Variants in SEMA3D observed in about 807,000 individuals in gnomAD.
SEMA3D encodes semaphorin 3D, also known as semaphorin-3D.
A neutral mutation model predicts 100.1 loss-of-function variants in SEMA3D; 84 were observed. The observed-to-expected ratio is 0.84, with a 90% CI of 0.70 to 1.01. The LOEUF (loss-of-function observed/expected upper bound fraction) is 1.01, where lower values mean the gene tolerates loss of function less well. SEMA3D is among the 50% of genes least tolerant of loss of function. SEMA3D has a pLI of 0.00. For synonymous variants in SEMA3D, 312 were observed against 320.7 expected (o/e 0.97, Z 0.29); for missense variants, 875 against 934.1 (o/e 0.94, Z 0.82).
At chr7:85,110,042 T>A (rs1160920695) in intron 3 of SEMA3D, among the ~76,000 whole-genome samples, 1 of 151,984 alleles carries the variant, frequency 6.6e-6, no homozygotes, top group Non-Finnish European at 1.5e-5. Context: ...ACAACCCAAG[T>A]GCCTCAAGGC....
At chr7:85,178,136 G>A (rs1791291884) in intron 1 of SEMA3D, among the ~76,000 whole-genome samples, 1 of 152,214 alleles carries the variant, frequency 6.6e-6, no homozygotes, top group Non-Finnish European at 1.5e-5. Flanking sequence ...ACCCAGCCAT[G>A]TGGAACTGTG....
At chr7:85,039,166 G>A (rs1315485666) in intron 11 of SEMA3D, among the ~76,000 whole-genome samples, 4 of 152,120 alleles carry the variant, frequency 2.6e-5, no homozygotes, top group Non-Finnish European at 4.4e-5. Context: ...GAGAAAGGGT[G>A]TGCTTTGAAC....
At chr7:85,197,471 C>T in the SEMA3D span, among the ~76,000 whole-genome samples, 4 of 151,980 alleles carry the variant, frequency 2.6e-5, no homozygotes, top group Non-Finnish European at 4.4e-5. Context: ...CCCACCACCC[C>T]CACCACCCCT....
chr7:85,064,865 C>T (rs908229122), intron 8 of SEMA3D, among the ~76,000 whole-genome samples: 2 of 152,168 alleles, frequency 1.3e-5, no homozygotes, highest in African/African-American at 4.8e-5. Context: ...AAATAGTAAT[C>T]AGACAAAATT....
At chr7:85,169,084 C>T (rs1434520511) in intron 1 of SEMA3D, among the ~76,000 whole-genome samples, 2 of 151,274 alleles carry the variant, frequency 1.3e-5, no homozygotes, top group East Asian at 3.9e-4. Context: ...TACTATGAGT[C>T]CATGAGATAC....
intron 2 of SEMA3D, among the ~76,000 whole-genome samples, chr7:85,134,797 C>G (rs957985135): frequency 2.6e-5 from 4 of 151,954 alleles, no homozygotes; most frequent in Non-Finnish European, 5.9e-5. Flanking sequence ...AATCTCTTTA[C>G]AGTATCATTG....
intron 5 of SEMA3D, among the ~76,000 whole-genome samples, chr7:85,075,890 A>AT (rs980489977): frequency 1.3e-5 from 2 of 152,232 alleles, no homozygotes; most frequent in African/African-American, 4.8e-5. Flanking sequence ...TCATAACTTC[A>AT]TTTTTTAAGT....
At chr7:85,095,398 T>G (rs1455628943) in intron 4 of SEMA3D, among the ~76,000 whole-genome samples, 1 of 151,916 alleles carries the variant, frequency 6.6e-6, no homozygotes, top group Non-Finnish European at 1.5e-5. Flanking sequence ...CTACAGATTT[T>G]TTTTTTAACT....
chr7:85,008,340 G>T (rs1385822594), intron 17 of SEMA3D, among the ~76,000 whole-genome samples: 1 of 151,724 alleles, frequency 6.6e-6, no homozygotes, highest in Non-Finnish European at 1.5e-5. Flanking sequence ...AAGTAATAGT[G>T]AGCTCATTAT....
intron 18 of SEMA3D, among the ~76,000 whole-genome samples, chr7:85,002,274 C>G (rs117442014): frequency 0.014 from 2,087 of 152,228 alleles, 38 homozygotes; most frequent in South Asian, 0.064. Context: ...CTACAGATAT[C>G]ATACTTGATT....
At chr7:85,240,397 T>G in the SEMA3D span, among the ~76,000 whole-genome samples, 1 of 152,276 alleles carries the variant, frequency 6.6e-6, no homozygotes, top group East Asian at 1.9e-4. Flanking sequence ...TGGATTTGAT[T>G]TGCTAATATT....
intron 6 of SEMA3D, among the ~76,000 whole-genome samples, chr7:85,071,480 C>A (rs533292503): frequency 6.6e-6 from 1 of 152,096 alleles, no homozygotes; most frequent in South Asian, 2.1e-4. Context: ...AAAAACACAG[C>A]GAATTATCCT....
rs1330994028 is a variant in SEMA3D, at chr7:85,103,627, ATTC to A, written c.152-5665_152-5663del. On this transcript the variant is annotated intron_variant, in intron 3 of 18. Coordinates refer to ENST00000284136, the MANE Select transcript of SEMA3D (RefSeq NM_001384900.1). ...TAAACCTTTGACCTAATCCACCATA[ATTC>A]TTCTTTTTCACTGTTCCTTTTAGCA... 2.0e-5 allele frequency among the ~76,000 whole-genome samples: 3 copies of A among 151,822 alleles called. No individual in the cohort carries two copies. In the South Asian group the frequency reaches 6.2e-4, roughly 32 times the overall value.
the SEMA3D span, among the ~76,000 whole-genome samples, chr7:85,237,730 C>T: frequency 0.026 from 3,962 of 152,224 alleles, 185 homozygotes; most frequent in African/African-American, 0.091. Flanking sequence ...TTGAGGATAA[C>T]GCTCCAATAA....
the SEMA3D span, among the ~76,000 whole-genome samples, chr7:85,229,342 T>C: frequency 6.6e-6 from 1 of 151,990 alleles, no homozygotes; most frequent in Non-Finnish European, 1.5e-5. Context: ...AAAAACTGTC[T>C]TGGTCCATTG....
intron 14 of SEMA3D, 74 bp downstream of exon 14, chr7:85,020,159 A>T (rs1584528511): frequency 1.0e-6 from 1 of 955,842 alleles, no homozygotes; most frequent in East Asian, 2.5e-5. Context: ...TGATGTATTA[A>T]AACAAGGGTG....
At chr7:85,204,714 T>C in the SEMA3D span, among the ~76,000 whole-genome samples, 1 of 152,058 alleles carries the variant, frequency 6.6e-6, no homozygotes, top group Non-Finnish European at 1.5e-5. Flanking sequence ...ACAGAGATCT[T>C]TGGAACCAGT....
At chr7:85,007,310 T>A (rs986423039) in intron 17 of SEMA3D, among the ~76,000 whole-genome samples, 2 of 151,854 alleles carry the variant, frequency 1.3e-5, no homozygotes, top group African/African-American at 2.4e-5. Context: ...AACAATTTTG[T>A]AGATAGTTCT....
At position 85,020,257 on chromosome 7, in the gene SEMA3D, C is replaced by A; in HGVS notation, c.1479G>T (p.Val493=). The change falls in exon 14 of 19, where the codon GTG becomes GTT. Residue 493 remains valine, a synonymous_variant. Coordinates refer to ENST00000284136, the MANE Select transcript of SEMA3D (RefSeq NM_001384900.1). ...SKEKWNMEEV[V]LEELQIFKHS... is the part of the protein sequence containing the mutation. ...CCTTGAATATCTGCAACTCCTCCAGCACTACCTCTTCCATATTCCACTTTT... is the reference window on the plus strand; with the variant it reads ...CCTTGAATATCTGCAACTCCTCCAGAACTACCTCTTCCATATTCCACTTTT... 3.1e-6 allele frequency: 5 copies of A among 1,609,812 alleles called. No homozygotes were observed. The highest frequency in any genetic ancestry group is 4.2e-6 in the Non-Finnish European group (5 of 1,177,014).
Sources: gnomAD v4.1 joint callset for allele counts (sites outside exome capture counted in the v4.1 genomes callset) on GRCh38, gnomAD v4.1.1 for gene constraint, MANE v1.5 for transcripts, NCBI Gene and HGNC (gene_info 2026-07-23, HGNC 2026-07-21) for gene names.